The following PHTF2 variants were observed in gnomAD, a reference collection of about 807,000 sequenced individuals.
PHTF2 encodes the protein protein PHTF2.
A neutral mutation model predicts 101.2 loss-of-function variants in PHTF2; 60 were observed. That is an observed-to-expected ratio of 0.59 (90% CI 0.48 to 0.73). PHTF2 has a LOEUF of 0.73. Ranked by LOEUF, PHTF2 falls within the 30% of genes least tolerant of loss-of-function variation. The probability of loss-of-function intolerance (pLI) is 0.00; values close to 1 mark genes in which losing one functional copy is unlikely to be tolerated. For missense variants in PHTF2, 747 were observed against 908.7 expected, an observed-to-expected ratio of 0.82 and a Z score of 2.29; for synonymous variants, 311 against 307.3, an observed-to-expected ratio of 1.01 and a Z score of -0.13.
intron 18 of PHTF2, among the ~76,000 whole-genome samples, chr7:77,952,916 C>T (rs752219894): frequency 9.2e-5 from 14 of 152,108 alleles, no homozygotes; most frequent in African/African-American, 2.7e-4. Flanking sequence ...TCTATTAGTA[C>T]GGCCCTATGT....
Position 77,823,989 on chromosome 7 carries a change from G to A in PHTF2, c.-35-16232G>A, listed in dbSNP as rs1020238707. ...AAAGCAACAATAATAGATTGTTAGT[G>A]TAGTCCTGGTATTAGATATCAGCTT... On this transcript the variant is annotated intron_variant, in intron 1 of 19. Transcript: ENST00000416283. Among the ~76,000 whole-genome samples the A allele has an allele frequency of 7.7e-4, 117 of 152,216 alleles. 1 individual carries two copies. Among genetic ancestry groups the A allele is most frequent in the African/African-American group, 2.8e-3 (116 of 41,452 alleles).
At chr7:77,928,648 A>G (rs1804284314) in intron 11 of PHTF2, among the ~76,000 whole-genome samples, 1 of 152,100 alleles carries the variant, frequency 6.6e-6, no homozygotes, top group Non-Finnish European at 1.5e-5. Flanking sequence ...CTCGCCCTCC[A>G]TTTCTCCAAA....
intron 7 of PHTF2, among the ~76,000 whole-genome samples, chr7:77,908,586 G>C (rs56228241): frequency 0.16 from 24,232 of 152,112 alleles, 2,189 homozygotes; most frequent in African/African-American, 0.24. Context: ...GTGTTGTCTT[G>C]TTCCGAGAGT....
chr7:77,821,506 CA>C lies in PHTF2; in HGVS notation c.-35-18714del, dbSNP rs1037829064. ...GTAGATGGCCCGTGGGGCTGTTTCT[CA>C]GGTTTGGGACATGGGTACAAGGCTG... On this transcript the variant is annotated intron_variant, in intron 1 of 19. Coordinates refer to ENST00000416283, the Ensembl canonical transcript of PHTF2. Among the ~76,000 whole-genome samples, 17 of 151,976 alleles carry C rather than the reference CA, an allele frequency of 1.1e-4. No homozygotes were observed. In the East Asian group the frequency reaches 1.8e-3, roughly 16 times the overall value.
intron 1 of PHTF2, among the ~76,000 whole-genome samples, chr7:77,829,972 A>G (rs1794957779): frequency 6.6e-6 from 1 of 152,212 alleles, no homozygotes; most frequent in African/African-American, 2.4e-5. Context: ...GGGGGAGTAC[A>G]GGAGTTGGAC....
At chr7:77,825,492 G>A (rs970098145) in intron 1 of PHTF2, among the ~76,000 whole-genome samples, 1 of 152,214 alleles carries the variant, frequency 6.6e-6, no homozygotes, top group African/African-American at 2.4e-5. Flanking sequence ...TGAGTTAAGG[G>A]CAAGAGCCAA....
chr7:77,869,861 A>G (rs1323885568), intron 3 of PHTF2, among the ~76,000 whole-genome samples: 3 of 152,106 alleles, frequency 2.0e-5, no homozygotes, highest in Non-Finnish European at 4.4e-5. Context: ...ATTTTTTAAC[A>G]TACCTGTTGG....
intron 10 of PHTF2, 114 bp from the exon 10 acceptor site, chr7:77,922,506 TGAG>T (rs1247643095): frequency 4.8e-6 from 3 of 627,134 alleles, no homozygotes; most frequent in Non-Finnish European, 7.6e-6. Flanking sequence ...TTGTGGTAGT[TGAG>T]GATATTTTGA....
chr7:77,873,570 C>T (rs1177846426), intron 3 of PHTF2, among the ~76,000 whole-genome samples: 3 of 152,040 alleles, frequency 2.0e-5, no homozygotes, highest in African/African-American at 7.2e-5. Context: ...TCACAGCTGC[C>T]TCAGGGGAGG....
intron 3 of PHTF2, among the ~76,000 whole-genome samples, chr7:77,864,770 T>C (rs1562889150): frequency 6.6e-6 from 1 of 152,040 alleles, no homozygotes. Context: ...TTTGTGGCAG[T>C]GGTATAGCGC....
intron 3 of PHTF2, among the ~76,000 whole-genome samples, chr7:77,877,863 C>G (rs1799079203): frequency 6.6e-6 from 1 of 152,168 alleles, no homozygotes; most frequent in African/African-American, 2.4e-5. Context: ...CCGTCTGTCT[C>G]TGTTTCTCCT....
chr7:77,933,943 C>G (rs1173527985), intron 12 of PHTF2, among the ~76,000 whole-genome samples: 1 of 152,128 alleles, frequency 6.6e-6, no homozygotes, highest in Admixed American at 6.5e-5. Flanking sequence ...TGTTAATGCT[C>G]TACTCTGTAT....
chr7:77,909,594 C>T (rs1802186511), intron 8 of PHTF2: 1 of 152,292 alleles, frequency 6.6e-6, no homozygotes, highest in South Asian at 2.1e-4. Context: ...TCTTGAATTC[C>T]TGGGCTCAAG....
rs187075406 is a variant in PHTF2, at chr7:77,825,812, G to A, written c.-35-14409G>A. ...GAGGATAGCAGTTTCTGTATTAAAC[G>A]TGATAAAAAAAATAGCATGGCAACT... On this transcript the variant is annotated intron_variant, in intron 1 of 19. Coordinates refer to ENST00000416283, the Ensembl canonical transcript of PHTF2. Among the ~76,000 whole-genome samples the A allele has an allele frequency of 5.9e-5, 9 of 152,100 alleles. No homozygotes were observed. In the East Asian group the frequency reaches 1.4e-3, roughly 23 times the overall value.
chr7:77,905,123 A>T (rs556590500), intron 7 of PHTF2, among the ~76,000 whole-genome samples: 18 of 152,310 alleles, frequency 1.2e-4, no homozygotes, highest in Admixed American at 2.6e-4. Flanking sequence ...AAACCAAGGG[A>T]TAGGGAGCGG....
intron 11 of PHTF2, among the ~76,000 whole-genome samples, chr7:77,928,203 A>C (rs1804238655): frequency 6.6e-6 from 1 of 152,102 alleles, no homozygotes; most frequent in Non-Finnish European, 1.5e-5. Context: ...AAAAAAATTG[A>C]AGATACCTGG....
At chr7:77,839,136 T>G (rs1795685893) in intron 1 of PHTF2, among the ~76,000 whole-genome samples, 2 of 152,216 alleles carry the variant, frequency 1.3e-5, no homozygotes, top group South Asian at 4.1e-4. Context: ...GTGCTAGGAT[T>G]GGCTCAGCAG....
At chr7:77,927,199 T>TATATATATAC (rs1554388893) in intron 11 of PHTF2, among the ~76,000 whole-genome samples, 3 of 108,542 alleles carry the variant, frequency 2.8e-5, no homozygotes, top group Admixed American at 1.1e-4. Flanking sequence ...TATATATACA[T>TATATATATAC]ACACACACAC....
At chr7:77,801,795 G>A (rs185426587) in intron 1 of PHTF2, among the ~76,000 whole-genome samples, 317 of 152,230 alleles carry the variant, frequency 2.1e-3, no homozygotes, top group Non-Finnish European at 3.9e-3. Context: ...CAAAATGCTT[G>A]TGGTCCCAAT....
Sources: allele counts gnomAD v4.1 joint callset (sites outside exome capture counted in the v4.1 genomes callset), GRCh38; gene constraint gnomAD v4.1.1; transcripts MANE v1.5; gene names NCBI Gene and HGNC (gene_info 2026-07-23, HGNC 2026-07-21).